The following BMERB1 variants were observed in gnomAD, a reference collection of about 807,000 sequenced individuals.
The protein encoded by BMERB1 is bMERB domain-containing protein 1.
Under a neutral mutation model 23.6 loss-of-function variants are expected in BMERB1, and 12 were observed. The observed-to-expected ratio is 0.51, with a 90% CI of 0.33 to 0.82. The LOEUF (loss-of-function observed/expected upper bound fraction) is 0.82, where lower values mean the gene tolerates loss of function less well. Among genes scored for constraint, BMERB1 ranks in the 40% least tolerant of loss-of-function variants. The pLI, the probability that BMERB1 is intolerant of heterozygous loss-of-function variation, is 0.03. For synonymous variants in BMERB1, 122 were observed against 96.6 expected (o/e 1.26, Z -1.54); for missense variants, 247 against 255.4 (o/e 0.97, Z 0.22).
At chr16:15,572,402 G>T (rs921516189) in intron 3 of BMERB1, among the ~76,000 whole-genome samples, 1 of 152,166 alleles carries the variant, frequency 6.6e-6, no homozygotes, top group Non-Finnish European at 1.5e-5. Context: ...AGGCCCTAAG[G>T]ATAAACGAGT....
At chr16:15,551,038 A>C (rs1377096957) in intron 2 of BMERB1, among the ~76,000 whole-genome samples, 1 of 152,244 alleles carries the variant, frequency 6.6e-6, no homozygotes, top group Non-Finnish European at 1.5e-5. Context: ...TGGAAGGCAC[A>C]AGAGAGCCCA....
intron 1 of BMERB1, among the ~76,000 whole-genome samples, chr16:15,475,334 A>G (rs2051265807): frequency 6.6e-6 from 1 of 152,174 alleles, no homozygotes; most frequent in Admixed American, 6.5e-5. Flanking sequence ...ACAGTCCAAA[A>G]GACCACTCTC....
chr16:15,464,037 G>A lies in BMERB1; in HGVS notation c.106+29278G>A, dbSNP rs532098005. 7.9e-5 allele frequency among the ~76,000 whole-genome samples: 12 copies of A among 152,272 alleles called. No individual in the cohort carries two copies. In the East Asian group the frequency reaches 1.5e-3, roughly 20 times the overall value. The stretch of plus-strand genomic sequence containing the variant: ...TAGAGAAGTAAAGAATCAAGGCCGC[G>A]CACAGTGGCTCATGCCTGTAATCTC... On this transcript the variant is annotated intron_variant, in intron 1 of 5. Transcript: ENST00000300006.
intron 1 of BMERB1, among the ~76,000 whole-genome samples, chr16:15,496,543 A>ATT (rs773978025): frequency 4.8e-5 from 7 of 144,676 alleles, no homozygotes; most frequent in African/African-American, 1.8e-4. Flanking sequence ...TACAAGGGAA[A>ATT]TTTTTTTTTT....
chr16:15,531,961 A>G (rs2051971987), intron 2 of BMERB1, among the ~76,000 whole-genome samples: 1 of 152,218 alleles, frequency 6.6e-6, no homozygotes, highest in Admixed American at 6.5e-5. Context: ...GTGACTTAGC[A>G]GAGCTGCCTT....
At chr16:15,509,339 G>C (rs1207112130) in intron 1 of BMERB1, among the ~76,000 whole-genome samples, 10 of 141,272 alleles carry the variant, frequency 7.1e-5, no homozygotes, top group African/African-American at 2.5e-4. Flanking sequence ...GGGGGGTGGG[G>C]GGGGAGAGAG....
intron 2 of BMERB1, among the ~76,000 whole-genome samples, chr16:15,526,663 C>CA (rs57236824): frequency 0.16 from 8,069 of 49,890 alleles, 1,100 homozygotes; most frequent in African/African-American, 0.36. Context: ...GACTGCATCT[C>CA]AAAAAAAAAA....
At chr16:15,463,078 C>CT (rs760698382) in intron 1 of BMERB1, among the ~76,000 whole-genome samples, 232 of 143,166 alleles carry the variant, frequency 1.6e-3, no homozygotes, top group East Asian at 1.6e-3. Flanking sequence ...GGATAAATTT[C>CT]TTTTTTTTTT....
At chr16:15,570,067 C>G (rs972560363) in intron 3 of BMERB1, among the ~76,000 whole-genome samples, 1 of 152,200 alleles carries the variant, frequency 6.6e-6, no homozygotes, top group Non-Finnish European at 1.5e-5. Flanking sequence ...ATCCCTTTCA[C>G]TGTCCTAATT....
chr16:15,505,685 C>G (rs2051580945), intron 1 of BMERB1, among the ~76,000 whole-genome samples: 1 of 151,864 alleles, frequency 6.6e-6, no homozygotes, highest in South Asian at 2.1e-4. Flanking sequence ...GTCAGGAGAT[C>G]GAGACCATCC....
At position 15,546,104 on chromosome 16, in the gene BMERB1, A is replaced by C. The variant is rs138532398; in HGVS notation, c.231-21879A>C. Among the ~76,000 whole-genome samples, 226 of 152,320 alleles carry C rather than the reference A, an allele frequency of 1.5e-3. 1 individual carries two copies. Among genetic ancestry groups the C allele is most frequent in the African/African-American group, 5.2e-3 (217 of 41,562 alleles). The stretch of plus-strand genomic sequence containing the variant: ...GAAGTTTGAGACCAGACTGGGCAAC[A>C]TGGTGGAACCCCCTCTCTATAAAAA... On this transcript the variant is annotated intron_variant, in intron 2 of 5. Coordinates refer to ENST00000300006, the MANE Select transcript of BMERB1 (RefSeq NM_033201.3).
chr16:15,532,605 G>T (rs1310685985), intron 2 of BMERB1, among the ~76,000 whole-genome samples: 2 of 141,732 alleles, frequency 1.4e-5, no homozygotes, highest in Non-Finnish European at 3.0e-5. Context: ...GAGTGCAGTG[G>T]CACGATCTCG....
intron 5 of BMERB1, chr16:15,584,150 T>C: frequency 3.0e-6 from 2 of 672,128 alleles, no homozygotes; most frequent in Non-Finnish European, 2.7e-6. Context: ...CAGTGTCCAT[T>C]AGGATATTAA....
At chr16:15,462,421 G>A (rs781507893) in intron 1 of BMERB1, among the ~76,000 whole-genome samples, 1 of 151,982 alleles carries the variant, frequency 6.6e-6, no homozygotes, top group Non-Finnish European at 1.5e-5. Flanking sequence ...CAAAGTGCTG[G>A]GATTACAGGT....
At chr16:15,436,745 G>A (rs926005511) in intron 1 of BMERB1, among the ~76,000 whole-genome samples, 1 of 151,446 alleles carries the variant, frequency 6.6e-6, no homozygotes, top group African/African-American at 2.4e-5. Flanking sequence ...TCTCCATGAG[G>A]GTCTCTTGTT....
intron 2 of BMERB1, among the ~76,000 whole-genome samples, chr16:15,556,013 C>T (rs1363526436): frequency 6.6e-6 from 1 of 152,100 alleles, no homozygotes; most frequent in Non-Finnish European, 1.5e-5. Flanking sequence ...AATCCCCTCT[C>T]TACCAAAATA....
chr16:15,446,933 G>A (rs940075815), intron 1 of BMERB1, among the ~76,000 whole-genome samples: 1 of 152,190 alleles, frequency 6.6e-6, no homozygotes, highest in African/African-American at 2.4e-5. Flanking sequence ...CACAAAGAAA[G>A]GCTTTCTTTG....
intron 1 of BMERB1, among the ~76,000 whole-genome samples, chr16:15,511,391 CAAG>C (rs1390412937): frequency 6.6e-6 from 1 of 152,100 alleles, no homozygotes; most frequent in Non-Finnish European, 1.5e-5. Context: ...CTTTAGAAGG[CAAG>C]GAGGAGGTGA....
At chr16:15,480,328 A>G (rs2051309002) in intron 1 of BMERB1, among the ~76,000 whole-genome samples, 1 of 151,750 alleles carries the variant, frequency 6.6e-6, no homozygotes, top group Non-Finnish European at 1.5e-5. Context: ...GTTAGCCAGG[A>G]TGGTCTCAAT....
Sources: gnomAD v4.1 joint callset for allele counts (sites outside exome capture counted in the v4.1 genomes callset) on GRCh38, gnomAD v4.1.1 for gene constraint, MANE v1.5 for transcripts, NCBI Gene and HGNC (gene_info 2026-07-23, HGNC 2026-07-21) for gene names.